TAOK3: variants seen among roughly 807,000 people sequenced by gnomAD.
TAOK3 encodes the protein TAO kinase 3, also known as serine/threonine-protein kinase TAO3.
TAOK3 carries 40 observed loss-of-function variants against 120.4 expected under a neutral mutation model. The observed-to-expected ratio is 0.33, with a 90% CI of 0.26 to 0.43. The LOEUF (loss-of-function observed/expected upper bound fraction) is 0.43. Among genes scored for constraint, TAOK3 ranks in the 20% least tolerant of loss-of-function variants. The pLI, the probability that TAOK3 is intolerant of heterozygous loss-of-function variation, is 1.00. For synonymous variants in TAOK3, 355 were observed against 387.5 expected (o/e 0.92, Z 0.99); for missense variants, 821 against 1,112.1 (o/e 0.74, Z 3.72).
At chr12:118,314,776 A>G (rs545797550) in intron 1 of TAOK3, among the ~76,000 whole-genome samples, 56 of 152,310 alleles carry the variant, frequency 3.7e-4, no homozygotes, top group African/African-American at 1.3e-3. Context: ...ATGCTTATCA[A>G]TTATTATCAA....
chr12:118,351,864 C>CTTTT (rs34956112), intron 1 of TAOK3, among the ~76,000 whole-genome samples: 4 of 71,900 alleles, frequency 5.6e-5, no homozygotes, highest in Non-Finnish European at 1.0e-4. Context: ...ATCTATAGTT[C>CTTTT]TTTTTTTTTT....
intron 5 of TAOK3, among the ~76,000 whole-genome samples, chr12:118,241,102 CTTATATT>C (rs1305524787): frequency 6.7e-6 from 1 of 149,732 alleles, no homozygotes; most frequent in Non-Finnish European, 1.5e-5. Flanking sequence ...ATGATTATGT[CTTATATT>C]TTATAGTTTT....
intron 17 of TAOK3, among the ~76,000 whole-genome samples, chr12:118,163,812 A>G (rs964584066): frequency 1.3e-5 from 2 of 152,082 alleles, no homozygotes; most frequent in Admixed American, 1.3e-4. Context: ...CCCAGGTTCA[A>G]GCAATTCTCC....
Position 118,244,634 on chromosome 12 carries a change from T to A in TAOK3, c.192+260A>T, listed in dbSNP as rs539956337. Among the ~76,000 whole-genome samples the A allele has an allele frequency of 2.1e-4, 31 of 149,510 alleles. No homozygotes were observed. The East Asian group carries it at 6.0e-3, about 29-fold the overall frequency. On this transcript the variant is annotated intron_variant, in intron 4 of 20. Transcript: ENST00000392533. Reference sequence around the variant, plus strand: ...AGCTCCGCCTCCCGGGTTCACGCCATTCTCCTGCCTCAGTCTCCTGAGTAG... The same window carrying A: ...AGCTCCGCCTCCCGGGTTCACGCCAATCTCCTGCCTCAGTCTCCTGAGTAG...
chr12:118,191,963 C>T (rs1181249545), intron 13 of TAOK3, among the ~76,000 whole-genome samples: 1 of 152,050 alleles, frequency 6.6e-6, no homozygotes, highest in African/African-American at 2.4e-5. Flanking sequence ...AGGGGGAGAC[C>T]CCAAATACAT....
In TAOK3 at chr12:118,372,081, T is replaced by A. The variant is rs2045914359; in HGVS notation, c.-194+567A>T. Among the ~76,000 whole-genome samples the A allele has an allele frequency of 6.6e-6, 1 of 151,546 alleles. No homozygotes were observed. The highest frequency in any genetic ancestry group is 6.6e-5 in the Admixed American group (1 of 15,246). ...CACTCTGTTCTAAGCCCTCTGGGGA[T>A]CCCCTGTCTTCACATCCCCTGACCG... On this transcript the variant is annotated intron_variant, in intron 1 of 20. Transcript: ENST00000392533. The surrounding 1 kb of genome is among the most constrained non-coding windows in gnomAD (Gnocchi z 4.6).
At chr12:118,365,604 C>G (rs1461732351) in intron 1 of TAOK3, among the ~76,000 whole-genome samples, 3 of 152,162 alleles carry the variant, frequency 2.0e-5, no homozygotes, top group Non-Finnish European at 4.4e-5. Context: ...GGGTAAGAAA[C>G]AAAGTGTGGA....
intron 17 of TAOK3, among the ~76,000 whole-genome samples, chr12:118,169,316 A>ACCCCCC (rs796532171): frequency 4.6e-5 from 3 of 64,816 alleles, no homozygotes; most frequent in Non-Finnish European, 8.6e-5. Context: ...GCCCACCCCC[A>ACCCCCC]CCCCCCCCCC....
intron 12 of TAOK3, chr12:118,200,482 T>C (rs2037966880): frequency 1.3e-5 from 2 of 152,186 alleles, no homozygotes; most frequent in African/African-American, 4.8e-5. Flanking sequence ...AACATAATTA[T>C]TTTTTCCTGT....
intron 16 of TAOK3, among the ~76,000 whole-genome samples, chr12:118,175,668 T>G (rs1402936970): frequency 6.6e-6 from 1 of 152,052 alleles, no homozygotes; most frequent in Non-Finnish European, 1.5e-5. Context: ...AAACACATGA[T>G]TTTATATATA....
intron 1 of TAOK3, among the ~76,000 whole-genome samples, chr12:118,363,387 T>A (rs1839422683): frequency 6.6e-6 from 1 of 152,174 alleles, no homozygotes. Flanking sequence ...ATTTGACAAT[T>A]AAGATACTAG....
chr12:118,169,326 C>CCT (rs1491310172), intron 17 of TAOK3, among the ~76,000 whole-genome samples: 6 of 80,560 alleles, frequency 7.4e-5, no homozygotes, highest in Non-Finnish European at 1.0e-4. Flanking sequence ...ACCCCCCCCC[C>CCT]TTTTTTTTTA....
chr12:118,161,385 T>G lies in TAOK3; in HGVS notation c.2139+403A>C, dbSNP rs1252155176. Among the ~76,000 whole-genome samples the G allele has an allele frequency of 1.3e-5, 2 of 152,188 alleles. No individual in the cohort carries two copies. The highest frequency in any genetic ancestry group is 2.9e-5 in the Non-Finnish European group (2 of 68,022). Reference sequence around the variant, plus strand: ...GACATCACTAATAAATGACACTCTTTCCTCCTAAGCTTGGATGTGGCTTTA... The same window carrying G: ...GACATCACTAATAAATGACACTCTTGCCTCCTAAGCTTGGATGTGGCTTTA... On this transcript the variant is annotated intron_variant, in intron 18 of 20. Coordinates refer to ENST00000392533, the MANE Select transcript of TAOK3 (RefSeq NM_016281.4). This position sits in a 1 kb window ranked among gnomAD's most constrained non-coding sequence, Gnocchi z 4.5.
chr12:118,151,285 G>GTGCACA (rs2034400521), intron 20 of TAOK3, 127 bp from the exon 21 acceptor site: 2 of 612,484 alleles, frequency 3.3e-6, no homozygotes, highest in South Asian at 5.1e-5. Context: ...AAGTGCGCGC[G>GTGCACA]CGCGCACACA....
At chr12:118,245,304 G>C (rs2040442336) in intron 3 of TAOK3, among the ~76,000 whole-genome samples, 1 of 151,984 alleles carries the variant, frequency 6.6e-6, no homozygotes, top group African/African-American at 2.4e-5. Context: ...CCAAAGTGCT[G>C]AGATTACAGG....
chr12:118,353,713 T>C (rs775906578), intron 1 of TAOK3, among the ~76,000 whole-genome samples: 1 of 152,160 alleles, frequency 6.6e-6, no homozygotes, highest in Non-Finnish European at 1.5e-5. Flanking sequence ...TTACCAGCGA[T>C]GTAATGAGCC....
At chr12:118,231,974 T>A (rs112730434) in intron 9 of TAOK3, among the ~76,000 whole-genome samples, 1 of 152,168 alleles carries the variant, frequency 6.6e-6, no homozygotes. Context: ...ACTGATTTTT[T>A]AAAAAGTTTA....
At chr12:118,282,471 T>C (rs143414719) in intron 1 of TAOK3, among the ~76,000 whole-genome samples, 144 of 152,370 alleles carry the variant, frequency 9.5e-4, no homozygotes, top group Non-Finnish European at 1.8e-3. Flanking sequence ...TGGGAGTTCA[T>C]TGAAATGTAT....
At position 118,304,091 on chromosome 12, in the gene TAOK3, T is replaced by G. The variant is rs185250695; in HGVS notation, c.-193-37332A>C. On this transcript the variant is annotated intron_variant, in intron 1 of 20. Coordinates refer to ENST00000392533, the MANE Select transcript of TAOK3 (RefSeq NM_016281.4). ...GTTTCAGTGAAGTCATTATCTATAC[T>G]ACTTGGTTATGAGGTGAATGAATAG... 5.3e-5 allele frequency among the ~76,000 whole-genome samples: 8 copies of G among 152,354 alleles called. No homozygotes were observed. In the East Asian group the frequency reaches 1.5e-3, roughly 29 times the overall value.
Sources: allele counts gnomAD v4.1 joint callset (sites outside exome capture counted in the v4.1 genomes callset), GRCh38; gene constraint gnomAD v4.1.1; non-coding constraint Gnocchi (gnomAD v3.1); transcripts MANE v1.5; gene names NCBI Gene and HGNC (gene_info 2026-07-23, HGNC 2026-07-21).